The following CCDC63 variants were observed in gnomAD, a reference collection of about 807,000 sequenced individuals.
CCDC63 encodes coiled-coil domain-containing protein 63.
A neutral mutation model predicts 63.6 loss-of-function variants in CCDC63; 54 were observed. That is an observed-to-expected ratio of 0.85 (90% CI 0.68 to 1.07). CCDC63 has a LOEUF of 1.07. CCDC63 is among the 50% of genes least tolerant of loss of function. The pLI is 0.00. For synonymous variants in CCDC63, 253 were observed against 266.1 expected, an observed-to-expected ratio of 0.95 and a Z score of 0.48; for missense variants, 637 against 689.6, an observed-to-expected ratio of 0.92 and a Z score of 0.86.
intron 4 of CCDC63, 67 bp downstream of exon 4, chr12:110,858,842 C>T (rs974278373): frequency 1.1e-5 from 15 of 1,416,226 alleles, no homozygotes; most frequent in Admixed American, 1.8e-5. Context: ...GGTGCATATT[C>T]GTGATGCCTT....
rs1272589145 is a variant in CCDC63, at chr12:110,854,289, T to TTC, written c.179+719_179+720dup. Among the ~76,000 whole-genome samples the TTC allele has an allele frequency of 2.8e-4, 31 of 111,072 alleles. No homozygotes were observed. The East Asian group carries it at 2.9e-3, about 10-fold the overall frequency. The allele number at this position is 111,072 out of a possible 152,430, so 72.9% of individuals were successfully genotyped here. ...TTTTTTTTGGAGTGTATCATTTCTT[T>TTC]TCTCTTTTTTTTTTTTTTTGGAGAT... On this transcript the variant is annotated intron_variant, in intron 3 of 11. Transcript: ENST00000308208.
chr12:110,891,704 C>T (rs2071359629), intron 8 of CCDC63, among the ~76,000 whole-genome samples: 1 of 149,532 alleles, frequency 6.7e-6, no homozygotes, highest in African/African-American at 2.5e-5. Flanking sequence ...TACCTACAGA[C>T]ATAGCTTCTC....
upstream of CCDC63, among the ~76,000 whole-genome samples, chr12:110,844,890 T>C (rs2070621679): frequency 6.6e-6 from 1 of 152,230 alleles, no homozygotes; most frequent in African/African-American, 2.4e-5. Context: ...AAGAGTCACT[T>C]GGACTGTCAG....
At chr12:110,860,230 G>C (rs2070835710) in intron 4 of CCDC63, among the ~76,000 whole-genome samples, 1 of 152,226 alleles carries the variant, frequency 6.6e-6, no homozygotes, top group Admixed American at 6.5e-5. Flanking sequence ...CTGATCCTCA[G>C]TGCAAGGGAG....
intron 10 of CCDC63, among the ~76,000 whole-genome samples, chr12:110,902,213 A>G (rs2071497688): frequency 6.6e-6 from 1 of 152,182 alleles, no homozygotes; most frequent in Non-Finnish European, 1.5e-5. Context: ...AGGTTCCCGG[A>G]TGCCAGCCCA....
At chr12:110,850,484 G>A (rs1322567784) in intron 1 of CCDC63, among the ~76,000 whole-genome samples, 1 of 152,228 alleles carries the variant, frequency 6.6e-6, no homozygotes, top group Non-Finnish European at 1.5e-5. Flanking sequence ...GTTCACGCCT[G>A]TAATCCCAGC....
intron 5 of CCDC63, 137 bp from the exon 6 acceptor site, chr12:110,879,769 C>A: frequency 1.3e-6 from 1 of 782,354 alleles, no homozygotes; most frequent in Non-Finnish European, 2.1e-6. Flanking sequence ...GAGCCTCTTG[C>A]CTACTGCTCC....
intron 4 of CCDC63, among the ~76,000 whole-genome samples, chr12:110,860,756 ATT>A (rs965499859): frequency 6.6e-6 from 1 of 151,732 alleles, no homozygotes; most frequent in African/African-American, 2.4e-5. Flanking sequence ...CGCCCACCTA[ATT>A]TTGTAATTTT....
chr12:110,886,837 C>T (rs79479633), intron 8 of CCDC63, among the ~76,000 whole-genome samples: 1,937 of 152,250 alleles, frequency 0.013, 15 homozygotes, highest in Non-Finnish European at 0.016. Context: ...GTCCCCCTCC[C>T]GGAAGGAGGT....
At chr12:110,847,476 C>T (rs1384424050) in intron 1 of CCDC63, among the ~76,000 whole-genome samples, 1 of 151,758 alleles carries the variant, frequency 6.6e-6, no homozygotes. Flanking sequence ...ATCGCTTAAG[C>T]CCGGGAAGGT....
At chr12:110,893,006 C>T (rs553988292) in intron 8 of CCDC63, 70 bp from the exon 9 acceptor site, 1 of 1,223,004 alleles carries the variant, frequency 8.2e-7, no homozygotes, top group South Asian at 1.3e-5. Flanking sequence ...TTGAGGCGCA[C>T]ACTTATTTTT....
In CCDC63 at chr12:110,868,257, C is replaced by A. The variant is rs1450777211; in HGVS notation, c.370-5585C>A. ...CTCCTCACTTTCCAGACTGGGCAGCCAGGCAGAGGGGCTCCTCACATCCCA... is the reference window on the plus strand; with the variant it reads ...CTCCTCACTTTCCAGACTGGGCAGCAAGGCAGAGGGGCTCCTCACATCCCA... On this transcript the variant is annotated intron_variant, in intron 4 of 11. Coordinates refer to ENST00000308208, the MANE Select transcript of CCDC63 (RefSeq NM_152591.3). Among the ~76,000 whole-genome samples, 3 of 127,786 alleles carry A rather than the reference C, an allele frequency of 2.3e-5. 1 individual carries two copies. The highest frequency in any genetic ancestry group is 5.0e-5 in the Non-Finnish European group (3 of 59,754). 83.8% of individuals were successfully genotyped at this position (127,786 alleles called of 152,430 possible).
intron 7 of CCDC63, among the ~76,000 whole-genome samples, chr12:110,882,922 T>TG (rs1263235593): frequency 6.6e-6 from 1 of 151,836 alleles, no homozygotes; most frequent in Non-Finnish European, 1.5e-5. Context: ...TGCAGTGGTG[T>TG]GACAGTCACA....
Position 110,847,503 on chromosome 12 carries a change from C to T in CCDC63, c.-97+398C>T, listed in dbSNP as rs572548573. On this transcript the variant is annotated intron_variant, in intron 1 of 11. Transcript: ENST00000308208. ...CGGGAAGGTTGAGGCTGCAGTGAGC[C>T]GAGATTGAACCACTGCACGCTAGCC... is the stretch of plus-strand genomic sequence containing the variant. Among the ~76,000 whole-genome samples the T allele has an allele frequency of 1.7e-4, 26 of 150,922 alleles. No homozygotes were observed. The South Asian group carries it at 5.0e-3, about 29-fold the overall frequency.
intron 9 of CCDC63, among the ~76,000 whole-genome samples, chr12:110,894,426 G>C (rs559031646): frequency 8.8e-4 from 134 of 152,292 alleles, no homozygotes; most frequent in African/African-American, 3.2e-3. Context: ...GTCTGACAAA[G>C]ACCTGGCAAC....
At position 110,853,414 on chromosome 12, in the gene CCDC63, A is replaced by T; in HGVS notation, c.19A>T (p.Asn7Tyr). The T allele has an allele frequency of 6.2e-7, 1 of 1,609,768 alleles. No homozygotes were observed. Among genetic ancestry groups the T allele is most frequent in the Non-Finnish European group, 8.5e-7 (1 of 1,179,094 alleles). The change falls in exon 3 of 12, where the codon AAC becomes TAC. Residue 7 changes from asparagine (N) to tyrosine (Y), a missense_variant. Asn to Tyr is a moderately radical substitution (Grantham distance 143). Coordinates refer to ENST00000308208, the MANE Select transcript of CCDC63 (RefSeq NM_152591.3). MSVLKK[N>Y]RRKDSDTPQE... ...TCTCCATCTCCCCCAGTTGAAGAAG[A>T]ACAGGAGAAAAGACTCCGACACTCC... is the stretch of plus-strand genomic sequence containing the variant.
At position 110,864,423 on chromosome 12, in the gene CCDC63, T is replaced by TAAA. The variant is rs35404744; in HGVS notation, c.369+5662_369+5664dup. On this transcript the variant is annotated intron_variant, in intron 4 of 11. Coordinates refer to ENST00000308208, the MANE Select transcript of CCDC63 (RefSeq NM_152591.3). ...TGGGCAACATAGCGAGACCCTGTCT[T>TAAA]AAAAAAAAAAAAAAAAGAGACTGGG... 6.0e-3 allele frequency among the ~76,000 whole-genome samples: 745 copies of TAAA among 124,660 alleles called. 4 individuals are homozygous for TAAA. The highest frequency in any genetic ancestry group is 0.02 in the African/African-American group (674 of 33,392). 81.8% of individuals were successfully genotyped at this position (124,660 alleles called of 152,430 possible). A position where few individuals can be genotyped will look rare whatever the true frequency, so the allele number is the denominator to read the frequency against.
intron 1 of CCDC63, among the ~76,000 whole-genome samples, chr12:110,849,597 C>A (rs190235723): frequency 6.7e-6 from 1 of 150,260 alleles, no homozygotes; most frequent in Non-Finnish European, 1.5e-5. Flanking sequence ...CTCCCAGGCT[C>A]GAGTGATTCT....
chr12:110,883,709 G>A (rs943173359), intron 7 of CCDC63, among the ~76,000 whole-genome samples: 27 of 152,082 alleles, frequency 1.8e-4, no homozygotes, highest in African/African-American at 6.5e-4. Flanking sequence ...GCGCAAACTT[G>A]GCTCACTGCA....
Sources: allele counts gnomAD v4.1 joint callset (sites outside exome capture counted in the v4.1 genomes callset), GRCh38; gene constraint gnomAD v4.1.1; transcripts MANE v1.5; gene names NCBI Gene and HGNC (gene_info 2026-07-23, HGNC 2026-07-21).